ANK1: variants seen among roughly 807,000 people sequenced by gnomAD.
The protein encoded by ANK1 is ankyrin-1.
A neutral mutation model predicts 210.4 loss-of-function variants in ANK1; 51 were observed. The ratio of observed to expected loss-of-function variants is 0.24; its 90% CI spans 0.19 to 0.31. The LOEUF is 0.31. ANK1 is among the 10% of genes least tolerant of loss of function. The pLI, the probability that ANK1 is intolerant of heterozygous loss-of-function variation, is 1.00. For synonymous variants in ANK1, 967 were observed against 1,025.9 expected (o/e 0.94, Z 1.10); for missense variants, 2,051 against 2,504.4 (o/e 0.82, Z 3.86).
intron 22 of ANK1, 44 bp from the exon 23 acceptor site, chr8:41,699,592 AG>A (rs1456766101): frequency 6.3e-7 from 1 of 1,575,920 alleles, no homozygotes; most frequent in East Asian, 2.2e-5. Context: ...TAGAGGAAGA[AG>A]AGTCCCTCTT....
intron 17 of ANK1, among the ~76,000 whole-genome samples, chr8:41,707,983 C>G (rs1825116959): frequency 6.6e-6 from 1 of 152,144 alleles, no homozygotes; most frequent in Non-Finnish European, 1.5e-5. Flanking sequence ...TTCCTAGAGA[C>G]TGAAAGATTT....
Position 41,694,441 on chromosome 8 carries a change from A to G in ANK1, c.3327+151T>C. 1 of 865,832 alleles carries G rather than the reference A, an allele frequency of 1.2e-6. No individual in the cohort carries two copies. Among genetic ancestry groups the G allele is most frequent in the South Asian group, 1.6e-5 (1 of 60,700 alleles). 53.6% of individuals were successfully genotyped at this position (865,832 alleles called of 1,614,324 possible). A position where few individuals can be genotyped will look rare whatever the true frequency, so the allele number is the denominator to read the frequency against. ...GCTTCCACCTCACCCCTTCCCACTTAACTCTCCTTTGAGCTTTAAACTCAG... is the reference window on the plus strand; with the variant it reads ...GCTTCCACCTCACCCCTTCCCACTTGACTCTCCTTTGAGCTTTAAACTCAG... On this transcript the variant is annotated intron_variant, in intron 28 of 42. Transcript: ENST00000289734. This position sits in a 1 kb window ranked among gnomAD's most constrained non-coding sequence, Gnocchi z 5.7.
At chr8:41,789,475 A>G (rs1216601679) in intron 1 of ANK1, among the ~76,000 whole-genome samples, 1 of 152,226 alleles carries the variant, frequency 6.6e-6, no homozygotes, top group Non-Finnish European at 1.5e-5. Context: ...GCAGCAGAGC[A>G]CAGTTTGGAG....
intron 1 of ANK1, among the ~76,000 whole-genome samples, chr8:41,863,522 A>G (rs1563927331): frequency 6.6e-6 from 1 of 152,222 alleles, no homozygotes; most frequent in Non-Finnish European, 1.5e-5. Flanking sequence ...CTTGCTAGGC[A>G]TCTTTGGCAT....
chr8:41,893,276 G>A (rs553072413), intron 1 of ANK1, among the ~76,000 whole-genome samples: 1 of 152,298 alleles, frequency 6.6e-6, no homozygotes, highest in South Asian at 2.1e-4. Flanking sequence ...AAAGCAGGGG[G>A]ACTTATCAGT....
rs1179841204 is a variant in ANK1 at position 41,834,671 on chromosome 8, C to T, written c.126+61684G>A. Among the ~76,000 whole-genome samples, 5 of 152,278 alleles carry T rather than the reference C, an allele frequency of 3.3e-5. 1 individual carries two copies. The South Asian group carries it at 6.2e-4, about 19-fold the overall frequency. ...CACCATAGTGAGATCCTGAAGGCTT[C>T]GAAGAGGCCACAAGAAGTACAGGAA... On this transcript the variant is annotated intron_variant, in intron 1 of 42. Transcript: ENST00000265709.
chr8:41,705,528 A>T (rs1372880646), intron 18 of ANK1, among the ~76,000 whole-genome samples: 1 of 152,162 alleles, frequency 6.6e-6, no homozygotes, highest in Non-Finnish European at 1.5e-5. Context: ...TGGTACTGTC[A>T]CTGTCCCTTC....
chr8:41,768,800 CAAAAAA>C (rs34057212), intron 1 of ANK1, among the ~76,000 whole-genome samples: 1 of 130,918 alleles, frequency 7.6e-6, no homozygotes. Context: ...CCTGTCTCCA[CAAAAAA>C]AAAAAAAAAA....
chr8:41,811,140 T>C (rs1041347991), intron 1 of ANK1, among the ~76,000 whole-genome samples: 1 of 152,220 alleles, frequency 6.6e-6, no homozygotes, highest in African/African-American at 2.4e-5. Context: ...AAGCTAAGCA[T>C]GGCAGCTCAT....
chr8:41,676,668 GT>G (rs1201302733), intron 37 of ANK1, among the ~76,000 whole-genome samples: 3 of 151,952 alleles, frequency 2.0e-5, no homozygotes, highest in Non-Finnish European at 4.4e-5. Flanking sequence ...GATCTTTAAG[GT>G]TTTTTTCTTA....
In ANK1 at chr8:41,700,562, G is replaced by A; in HGVS notation, c.2461+988C>T. 4.3e-6 allele frequency: 5 copies of A among 1,169,062 alleles called. No homozygotes were observed. The South Asian group carries it at 6.2e-5, about 14-fold the overall frequency. 72.4% of individuals were successfully genotyped at this position (1,169,062 alleles called of 1,614,324 possible). On this transcript the variant is annotated intron_variant, in intron 22 of 42. Coordinates refer to ENST00000289734, the MANE Select transcript of ANK1 (RefSeq NM_000037.4). ...CACCAGAAGCTCTGCTTCTCTAGTT[G>A]ACAAAGTTATACAACCATGAAATTA... is the stretch of plus-strand genomic sequence containing the variant.
intron 10 of ANK1, among the ~76,000 whole-genome samples, chr8:41,719,124 C>A (rs1350104873): frequency 1.3e-5 from 2 of 152,180 alleles, no homozygotes; most frequent in Non-Finnish European, 2.9e-5. Flanking sequence ...CCTGCTGGAT[C>A]CCCAGACTCC....
At chr8:41,706,830 G>A (rs957571165) in intron 17 of ANK1, among the ~76,000 whole-genome samples, 8 of 152,210 alleles carry the variant, frequency 5.3e-5, no homozygotes, top group East Asian at 1.9e-4. Flanking sequence ...TGGGCGCGGC[G>A]GCTCATGCCT....
At chr8:41,744,486 G>A (rs993501984) in intron 2 of ANK1, among the ~76,000 whole-genome samples, 11 of 151,598 alleles carry the variant, frequency 7.3e-5, no homozygotes, top group Non-Finnish European at 1.6e-4. Flanking sequence ...ACTTTACTTG[G>A]TGATCAAGAT....
chr8:41,690,670 G>C, intron 31 of ANK1, 71 bp from the exon 32 acceptor site: 1 of 1,570,018 alleles, frequency 6.4e-7, no homozygotes, highest in Non-Finnish European at 8.7e-7. Context: ...TTCCACCTTC[G>C]GTCCTTCCCT....
intron 1 of ANK1, among the ~76,000 whole-genome samples, chr8:41,887,510 C>T (rs1818670524): frequency 6.6e-6 from 1 of 152,074 alleles, no homozygotes; most frequent in African/African-American, 2.4e-5. Context: ...TCTCCTGCCT[C>T]GGCCTCCCAA....
Position 41,827,965 on chromosome 8 carries a change from CCCCG to C in ANK1, c.126+68386_126+68389del, listed in dbSNP as rs533696853. Among the ~76,000 whole-genome samples, 503 of 152,050 alleles carry C rather than the reference CCCCG, an allele frequency of 3.3e-3. 4 individuals carry two copies. The highest frequency in any genetic ancestry group is 0.011 in the African/African-American group (473 of 41,406). On this transcript the variant is annotated intron_variant, in intron 1 of 42. Transcript: ENST00000265709. ...ACATGCATACACAGATACACACCGC[CCCCG>C]CCCCCCAACCCCCGACACACACACC... is the stretch of plus-strand genomic sequence containing the variant.
At position 41,734,996 on chromosome 8, in the gene ANK1, A is replaced by AAAAC. The variant is rs145809657; in HGVS notation, c.130-931_130-928dup. ...GACAGTTAAGCTTTAGGAAAAGCAA[A>AAAAC]AAACAAACAAACAAACAAACAAAAC... On this transcript the variant is annotated intron_variant, in intron 2 of 42. Transcript: ENST00000289734. Among the ~76,000 whole-genome samples, 73 of 152,330 alleles carry AAAAC rather than the reference A, an allele frequency of 4.8e-4. 1 individual carries two copies. The highest frequency in any genetic ancestry group is 4.1e-3 in the South Asian group (20 of 4,826).
Position 41,686,173 on chromosome 8 carries a change from G to A in ANK1, c.4369C>T (p.Arg1457Cys), listed in dbSNP as rs778172143. 3.1e-6 allele frequency: 5 copies of A among 1,614,216 alleles called. No homozygotes were observed. The highest frequency in any genetic ancestry group is 2.2e-5 in the East Asian group (1 of 44,890). ...SVALLNLWVI[R>C]EGQNANMENL... The stretch of plus-strand genomic sequence containing the variant: ...TGACTGTTTGCGTTTTGGCCTTCAC[G>A]GATGACCCAGAGGTTCAGCAAGGCC... The change falls in exon 36 of 43, where the codon CGT becomes TGT. Residue 1457 changes from arginine (R) to cysteine (C), a missense_variant. Physicochemically the swap from Arg to Cys is radical, Grantham distance 180. Transcript: ENST00000289734.
Sources: gnomAD v4.1 joint callset for allele counts (sites outside exome capture counted in the v4.1 genomes callset) on GRCh38, gnomAD v4.1.1 for gene constraint, Gnocchi (gnomAD v3.1) non-coding constraint, MANE v1.5 for transcripts, NCBI Gene and HGNC (gene_info 2026-07-23, HGNC 2026-07-21) for gene names.